The following ALKBH1 variants were observed in gnomAD, a reference collection of about 807,000 sequenced individuals.
ALKBH1 encodes the protein alkB homolog 1, histone H2A dioxygenase.
In ALKBH1, 31 loss-of-function variants were observed where a neutral mutation model predicts 36.6. That is an observed-to-expected ratio of 0.85 (90% CI 0.64 to 1.14). ALKBH1 has a LOEUF of 1.14. ALKBH1 is among the 50% of genes most tolerant of loss of function. The probability of loss-of-function intolerance (pLI) is 0.00; values close to 1 mark genes in which losing one functional copy is unlikely to be tolerated. For synonymous variants in ALKBH1, 183 were observed against 186.6 expected, an observed-to-expected ratio of 0.98 and a Z score of 0.16; for missense variants, 490 against 497.3, an observed-to-expected ratio of 0.99 and a Z score of 0.14.
intron 2 of ALKBH1, among the ~76,000 whole-genome samples, chr14:77,697,697 TAAAAAAA>T (rs57516221): frequency 9.5e-6 from 1 of 104,940 alleles, no homozygotes; most frequent in South Asian, 3.2e-4. Context: ...TTTGCTGTAA[TAAAAAAA>T]AAAAAAAAAA....
At chr14:77,695,759 T>C (rs537148190) in intron 2 of ALKBH1, among the ~76,000 whole-genome samples, 1 of 152,196 alleles carries the variant, frequency 6.6e-6, no homozygotes, top group Non-Finnish European at 1.5e-5. Context: ...TTAAAGATCT[T>C]TGTGACCTTG....
intron 4 of ALKBH1, among the ~76,000 whole-genome samples, chr14:77,676,760 A>G (rs1465363733): frequency 6.6e-6 from 1 of 152,158 alleles, no homozygotes; most frequent in Non-Finnish European, 1.5e-5. Context: ...ACTATCCTAA[A>G]CTAAAAAGTT....
At position 77,694,640 on chromosome 14, in the gene ALKBH1, C is replaced by T. The variant is rs930318233; in HGVS notation, c.455+98G>A. ...ACAATGAAGGGAAAAAAAAACCCAG[C>T]CAGTCACTTTTACTGCATTGTTATA... On this transcript the variant is annotated intron_variant, in intron 3 of 5. Transcript: ENST00000216489. 5.8e-6 allele frequency: 6 copies of T among 1,028,450 alleles called. No homozygotes were observed. The African/African-American group carries it at 9.9e-5, about 17-fold the overall frequency. The allele number at this position is 1,028,450 out of a possible 1,614,324, so 63.7% of individuals were successfully genotyped here. A position where few individuals can be genotyped will look rare whatever the true frequency, so the allele number is the denominator to read the frequency against.
At chr14:77,692,269 T>C (rs1437402392) in intron 3 of ALKBH1, among the ~76,000 whole-genome samples, 2 of 152,170 alleles carry the variant, frequency 1.3e-5, no homozygotes, top group African/African-American at 4.8e-5. Flanking sequence ...AGCTATTAAG[T>C]GGTGGAGCTG....
intron 1 of ALKBH1, 80 bp downstream of exon 1, chr14:77,707,742 A>G: frequency 6.7e-7 from 1 of 1,487,138 alleles, no homozygotes; most frequent in Non-Finnish European, 9.0e-7. Flanking sequence ...GGAGGTGAAA[A>G]GAGGCGAAGA....
At chr14:77,692,643 C>T (rs1218646800) in intron 3 of ALKBH1, among the ~76,000 whole-genome samples, 2 of 152,060 alleles carry the variant, frequency 1.3e-5, no homozygotes, top group Non-Finnish European at 2.9e-5. Flanking sequence ...CCTTTACCAT[C>T]TGGCCCAAAT....
chr14:77,704,527 A>G (rs1395997067), intron 1 of ALKBH1, 50 bp from the exon 2 acceptor site: 1 of 1,420,218 alleles, frequency 7.0e-7, no homozygotes, highest in Non-Finnish European at 9.9e-7. Flanking sequence ...TTTGCAGGTC[A>G]ACCCCGGGAA....
intron 4 of ALKBH1, 59 bp from the exon 5 acceptor site, chr14:77,675,908 C>G: frequency 7.2e-7 from 1 of 1,386,064 alleles, no homozygotes; most frequent in Non-Finnish European, 1.0e-6. Context: ...ATACAGGAAA[C>G]TATAAGATTA....
intron 1 of ALKBH1, among the ~76,000 whole-genome samples, chr14:77,705,313 G>T (rs943668417): frequency 5.3e-5 from 8 of 151,460 alleles, no homozygotes; most frequent in African/African-American, 1.5e-4. Flanking sequence ...CGAGAGGCTG[G>T]GGCACCAGAA....
At position 77,672,619 on chromosome 14, in the gene ALKBH1, A is replaced by T. The variant is rs2080181913; in HGVS notation, c.*1193T>A. On this transcript the variant is annotated 3_prime_UTR_variant, in exon 6 of 6. Coordinates refer to ENST00000216489, the MANE Select transcript of ALKBH1 (RefSeq NM_006020.3). Reference sequence around the variant, plus strand: ...TGTTTCAAAGAGCCCTTATAATAAAACAATTTTGGCACATCATGTTTGTAG... The same window carrying T: ...TGTTTCAAAGAGCCCTTATAATAAATCAATTTTGGCACATCATGTTTGTAG... 6.6e-6 allele frequency: 1 copy of T among 152,176 alleles called. No homozygotes were observed. Among genetic ancestry groups the T allele is most frequent in the Non-Finnish European group, 1.5e-5 (1 of 68,032 alleles). 9.4% of individuals were successfully genotyped at this position (152,176 alleles called of 1,614,324 possible).
At chr14:77,680,684 T>C (rs1342821603) in intron 3 of ALKBH1, among the ~76,000 whole-genome samples, 19 of 148,986 alleles carry the variant, frequency 1.3e-4, no homozygotes, top group African/African-American at 4.0e-4. Flanking sequence ...ACTCTTTTTT[T>C]TTTTTTTTTT....
chr14:77,680,960 GCCA>G lies in ALKBH1; in HGVS notation c.456-993_456-991del, dbSNP rs571637193. On this transcript the variant is annotated intron_variant, in intron 3 of 5. Coordinates refer to ENST00000216489, the MANE Select transcript of ALKBH1 (RefSeq NM_006020.3). ...CAAAATGCTGGGATTACAGGCGTGA[GCCA>G]CCACAACTGGCCCACTACTCTTTTT... Among the ~76,000 whole-genome samples the G allele has an allele frequency of 9.9e-3, 1,502 of 152,220 alleles. 32 individuals are homozygous for G. The highest frequency in any genetic ancestry group is 0.035 in the African/African-American group (1,436 of 41,508).
At chr14:77,706,038 C>T (rs1440232031) in intron 1 of ALKBH1, among the ~76,000 whole-genome samples, 1 of 151,920 alleles carries the variant, frequency 6.6e-6, no homozygotes, top group Non-Finnish European at 1.5e-5. Context: ...CTGGGTGACA[C>T]AGTGAGACGC....
At position 77,704,488 on chromosome 14, in the gene ALKBH1, G is replaced by A. The variant is rs764297806; in HGVS notation, c.184-11C>T. The stretch of plus-strand genomic sequence containing the variant: ...CTGAGATTTGATCACCTGGCAGGAA[G>A]GAAACAGAAGTTAAAGGACTAAATC... On this transcript the variant is annotated splice_polypyrimidine_tract_variant and intron_variant, in intron 1 of 5. Coordinates refer to ENST00000216489, the MANE Select transcript of ALKBH1 (RefSeq NM_006020.3). The A allele has an allele frequency of 1.2e-6, 2 of 1,606,568 alleles. No individual in the cohort carries two copies. The highest frequency in any genetic ancestry group is 1.7e-6 in the Non-Finnish European group (2 of 1,173,266).
rs756355085 is a variant in ALKBH1, at chr14:77,679,982, G to A, written c.456-12C>T. On this transcript the variant is annotated splice_polypyrimidine_tract_variant and intron_variant, in intron 3 of 5. Transcript: ENST00000216489. ...TCGCTTCTTTATACCTGCAAAGATT[G>A]GTGACAAAAGAGGAATTATTCATGT... is the stretch of plus-strand genomic sequence containing the variant. The A allele has an allele frequency of 1.9e-6, 3 of 1,605,414 alleles. No individual in the cohort carries two copies. The highest frequency in any genetic ancestry group is 2.2e-5 in the East Asian group (1 of 44,830).
chr14:77,692,645 G>A (rs979123674), intron 3 of ALKBH1, among the ~76,000 whole-genome samples: 2 of 151,842 alleles, frequency 1.3e-5, no homozygotes, highest in African/African-American at 4.8e-5. Context: ...TTTACCATCT[G>A]GCCCAAATCC....
chr14:77,688,084 T>C (rs529925816), intron 3 of ALKBH1, among the ~76,000 whole-genome samples: 1 of 152,304 alleles, frequency 6.6e-6, no homozygotes, highest in East Asian at 1.9e-4. Context: ...TCAATACTTA[T>C]TTCCATTACA....
intron 5 of ALKBH1, among the ~76,000 whole-genome samples, chr14:77,675,143 T>C (rs542990046): frequency 2.4e-4 from 36 of 152,064 alleles, no homozygotes; most frequent in African/African-American, 8.4e-4. Flanking sequence ...TTATAAAAGG[T>C]AGGTTACGGC....
intron 3 of ALKBH1, among the ~76,000 whole-genome samples, chr14:77,686,027 G>A (rs896258149): frequency 3.3e-5 from 5 of 152,056 alleles, no homozygotes; most frequent in African/African-American, 1.2e-4. Flanking sequence ...TTCAATTCTT[G>A]CCTTTGTATT....
Sources: allele counts gnomAD v4.1 joint callset (sites outside exome capture counted in the v4.1 genomes callset), GRCh38; gene constraint gnomAD v4.1.1; transcripts MANE v1.5; gene names NCBI Gene and HGNC (gene_info 2026-07-23, HGNC 2026-07-21).